The following AOX1 variants were observed in gnomAD, a reference collection of about 807,000 sequenced individuals.
The protein encoded by AOX1 is aldehyde oxidase 1, also known as aldehyde oxidase.
In AOX1, 153 loss-of-function variants were observed where a neutral mutation model predicts 169.5. The observed-to-expected ratio is 0.90, with a 90% CI of 0.79 to 1.03. The LOEUF (loss-of-function observed/expected upper bound fraction) is 1.03, where lower values mean the gene tolerates loss of function less well. Ranked by LOEUF, AOX1 falls within the 50% of genes least tolerant of loss-of-function variation. The pLI is 0.00. For missense variants in AOX1, 1,656 were observed against 1,663.9 expected (o/e 1.00, Z 0.08); for synonymous variants, 562 against 581.9 (o/e 0.97, Z 0.49).
chr2:200,626,597 A>T (rs567760273), intron 19 of AOX1, among the ~76,000 whole-genome samples: 1 of 152,284 alleles, frequency 6.6e-6, no homozygotes, highest in East Asian at 1.9e-4. Context: ...ACCCAGGGAG[A>T]GCCAATAGGA....
At chr2:200,594,751 G>A (rs2034244768) in intron 2 of AOX1, among the ~76,000 whole-genome samples, 1 of 152,206 alleles carries the variant, frequency 6.6e-6, no homozygotes, top group Admixed American at 6.5e-5. Flanking sequence ...GAAGCCATGT[G>A]TGTGGCTAAA....
At chr2:200,613,754 T>C (rs1203709978) in intron 14 of AOX1, 50 bp from the exon 15 acceptor site, 2 of 1,543,102 alleles carry the variant, frequency 1.3e-6, no homozygotes, top group Non-Finnish European at 8.8e-7. Flanking sequence ...GATGAAGATA[T>C]GGGGTAATAA....
Position 200,642,762 on chromosome 2 carries a change from C to G in AOX1, c.2808C>G (p.Ile936Met). Reference sequence around the variant, plus strand: ...CAGCGCTGATCACCGAATCTTGTATCACGGAAGTTGCAGCCAAATGTGGAC... The same window carrying G: ...CAGCGCTGATCACCGAATCTTGTATGACGGAAGTTGCAGCCAAATGTGGAC... ...PQAALITESC[I>M]TEVAAKCGLS... Residue 936 changes from isoleucine to methionine, a missense_variant, in exon 25 of 35, where the codon ATC (isoleucine) becomes ATG (methionine). Transcript: ENST00000374700. 6 of 1,613,804 alleles carry G rather than the reference C, an allele frequency of 3.7e-6. No individual in the cohort carries two copies. The highest frequency in any genetic ancestry group is 5.1e-6 in the Non-Finnish European group (6 of 1,179,854).
At chr2:200,644,979 T>C (rs182178364) in intron 25 of AOX1, among the ~76,000 whole-genome samples, 6 of 152,268 alleles carry the variant, frequency 3.9e-5, no homozygotes, top group African/African-American at 1.4e-4. Flanking sequence ...TAAATGATTA[T>C]ATCGTCAGCA....
rs1311990532 is a variant in AOX1 at position 200,656,912 on chromosome 2, AG to A, written c.3151del (p.Val1051SerfsTer5). Reference protein sequence around the residue: ...LVTHGGIEMGQGVHTKMIQVV... With the variant: ...LVTHGGIEMGXGVHTKMIQVV... ...ACTCACGGTGGAATTGAAATGGGGCAGGGGGTCCACACTAAAATGATTCAGG... is the reference window on the plus strand; with the variant it reads ...ACTCACGGTGGAATTGAAATGGGGCAGGGGTCCACACTAAAATGATTCAGG... On this transcript the variant is annotated frameshift_variant, in exon 27 of 35. Transcript: ENST00000374700. LOFTEE classifies it high-confidence loss of function. The A allele has an allele frequency of 5.0e-6, 8 of 1,584,256 alleles. No individual in the cohort carries two copies. The highest frequency in any genetic ancestry group is 1.4e-5 in the African/African-American group (1 of 73,834).
chr2:200,607,520 G>C (rs183717547), intron 10 of AOX1, among the ~76,000 whole-genome samples: 1 of 152,110 alleles, frequency 6.6e-6, no homozygotes, highest in Non-Finnish European at 1.5e-5. Flanking sequence ...CTGTTGGTAG[G>C]GGTGTAAATT....
rs139386528 is a variant in AOX1 at position 200,588,451 on chromosome 2, T to C, written c.45+2298T>C. Among the ~76,000 whole-genome samples the C allele has an allele frequency of 2.4e-3, 369 of 152,268 alleles. 5 individuals are homozygous for C. The highest frequency in any genetic ancestry group is 0.019 in the Admixed American group (293 of 15,282). ...CCACTTCCAAACAAATATTGGTATT[T>C]TTAACATAATGGCCAACAAGTTTGT... On this transcript the variant is annotated intron_variant, in intron 1 of 34. Transcript: ENST00000374700.
intron 27 of AOX1, among the ~76,000 whole-genome samples, chr2:200,657,188 A>T (rs59873743): frequency 0.061 from 4,119 of 67,874 alleles, 142 homozygotes; most frequent in East Asian, 0.16. Flanking sequence ...ATATATATAT[A>T]TATTTTTTTT....
chr2:200,627,512 C>T, intron 20 of AOX1, 63 bp downstream of exon 20: 1 of 1,214,634 alleles, frequency 8.2e-7, no homozygotes, highest in Middle Eastern at 1.9e-4. Flanking sequence ...TTTAAGGCTT[C>T]CTTTGTCTTC....
chr2:200,645,254 C>G (rs983842764), intron 25 of AOX1, among the ~76,000 whole-genome samples: 5 of 152,082 alleles, frequency 3.3e-5, no homozygotes, highest in Admixed American at 2.0e-4. Flanking sequence ...CCTTTGTATG[C>G]TGATTTTGCT....
chr2:200,626,184 G>A (rs4674247), intron 19 of AOX1, among the ~76,000 whole-genome samples: 148,237 of 152,294 alleles, frequency 0.97, 72,272 homozygotes, highest in East Asian at 1. Flanking sequence ...AAACTAAAAG[G>A]CAGGGTTACC....
Position 200,666,757 on chromosome 2 carries a change from G to A in AOX1, c.3609+5G>A, listed in dbSNP as rs752135300. ...CCAGCCATTGACATAGGCCAGGTAC[G>A]TGTAACTGATGTGTCTCACTTTCTA... On this transcript the variant is annotated splice_donor_5th_base_variant and intron_variant, in intron 32 of 34. Transcript: ENST00000374700. The A allele has an allele frequency of 2.1e-5, 34 of 1,606,886 alleles. No homozygotes were observed. The highest frequency in any genetic ancestry group is 6.7e-5 in the African/African-American group (5 of 74,608).
chr2:200,597,473 G>C lies in AOX1; in HGVS notation c.277G>C (p.Gly93Arg). The C allele has an allele frequency of 6.2e-7, 1 of 1,612,524 alleles. No homozygotes were observed. Among genetic ancestry groups the C allele is most frequent in the Non-Finnish European group, 8.5e-7 (1 of 1,179,254 alleles). The change falls in exon 4 of 35, where the codon GGA becomes CGA. Residue 93 changes from glycine to arginine, a missense_variant. Coordinates refer to ENST00000374700, the MANE Select transcript of AOX1 (RefSeq NM_001159.4). ...TGCCGTCACCACAGTAGAAGGCATA[G>C]GAAGCACCCACACCAGAATTCATCC... ...GAAVTTVEGI[G>R]STHTRIHPVQ...
chr2:200,678,187 G>T (rs1168226758), downstream of AOX1: 2 of 152,212 alleles, frequency 1.3e-5, no homozygotes, highest in African/African-American at 4.8e-5. Flanking sequence ...GATACCAAAA[G>T]AATGCTATTT....
At chr2:200,635,061 A>G in intron 21 of AOX1, 146 bp downstream of exon 21, 3 of 896,932 alleles carry the variant, frequency 3.3e-6, no homozygotes, top group South Asian at 3.4e-5. Flanking sequence ...TCAGTGATCT[A>G]TGATCACACC....
In AOX1 at chr2:200,623,934, G is replaced by T; in HGVS notation, c.2075G>T (p.Arg692Leu). 6.2e-7 allele frequency: 1 copy of T among 1,614,154 alleles called. No homozygotes were observed. Among genetic ancestry groups the T allele is most frequent in the Non-Finnish European group, 8.5e-7 (1 of 1,180,010 alleles). The part of the protein sequence containing the change: ...SEVQAKRAAK[R>L]VKIVYQDLEP... ...GTTCAGGCAAAGCGAGCTGCTAAGC[G>T]AGTGAAGATTGTCTATCAAGACTTG... is the stretch of plus-strand genomic sequence containing the variant. The change falls in exon 19 of 35, where the codon CGA (arginine) becomes CTA (leucine). Residue 692 changes from arginine (R) to leucine (L), a missense_variant. By Grantham distance (102) the Arg-to-Leu change is moderately radical. Transcript: ENST00000374700.
At chr2:200,666,077 C>A (rs1393809344) in intron 31 of AOX1, among the ~76,000 whole-genome samples, 1 of 152,198 alleles carries the variant, frequency 6.6e-6, no homozygotes, top group African/African-American at 2.4e-5. Context: ...TACAGACTTG[C>A]TGGAAAGCAA....
chr2:200,668,192 G>A (rs1050628878), intron 32 of AOX1, among the ~76,000 whole-genome samples: 5 of 150,976 alleles, frequency 3.3e-5, no homozygotes, highest in South Asian at 2.1e-4. Flanking sequence ...CGCAACCTCC[G>A]CCTCCCAGGT....
At chr2:200,614,807 AAGGGT>A (rs1403676835) in intron 15 of AOX1, among the ~76,000 whole-genome samples, 11 of 152,144 alleles carry the variant, frequency 7.2e-5, no homozygotes, top group Admixed American at 7.2e-4. Context: ...TAGGAACCAG[AAGGGT>A]AGTATCACAT....
Sources: gnomAD v4.1 joint callset for allele counts (sites outside exome capture counted in the v4.1 genomes callset) on GRCh38, gnomAD v4.1.1 for gene constraint, MANE v1.5 for transcripts, NCBI Gene and HGNC (gene_info 2026-07-23, HGNC 2026-07-21) for gene names.